CACNA1C: variants seen among roughly 807,000 people sequenced by gnomAD.
The protein encoded by CACNA1C is voltage-dependent L-type calcium channel subunit alpha-1C.
In CACNA1C, 30 loss-of-function variants were observed where a neutral mutation model predicts 229.0. The ratio of observed to expected loss-of-function variants is 0.13; its 90% CI spans 0.10 to 0.18. The LOEUF is 0.18. Among genes scored for constraint, CACNA1C ranks in the 10% least tolerant of loss-of-function variants. The probability of loss-of-function intolerance (pLI) is 1.00; values close to 1 mark genes in which losing one functional copy is unlikely to be tolerated. For synonymous variants in CACNA1C, 1,114 were observed against 1,132.5 expected, an observed-to-expected ratio of 0.98 and a Z score of 0.33; for missense variants, 1,658 against 2,845.0, an observed-to-expected ratio of 0.58 and a Z score of 9.49.
rs531201528 is a variant in CACNA1C, at chr12:2,457,719, C to T, written c.757+13C>T. 6 of 1,570,756 alleles carry T rather than the reference C, an allele frequency of 3.8e-6. No individual in the cohort carries two copies. The highest frequency in any genetic ancestry group is 4.5e-5 in the East Asian group (2 of 44,154). ...TCCGGAGTCCCAAGTAAGTGAAGCC[C>T]GTTCTTGTGTACAGTGTTATCTCCT... is the stretch of plus-strand genomic sequence containing the variant. On this transcript the variant is annotated intron_variant, in intron 5 of 46. Coordinates refer to ENST00000399655, the MANE Select transcript of CACNA1C (RefSeq NM_000719.7).
At chr12:2,668,874 C>G in intron 37 of CACNA1C, 59 bp from the exon 38 acceptor site, 2 of 1,096,420 alleles carry the variant, frequency 1.8e-6, no homozygotes, top group Non-Finnish European at 2.8e-6. Context: ...CCACGGTGTT[C>G]TGCGGTCCCC....
At chr12:2,657,524 G>A (rs531402683) in intron 34 of CACNA1C, among the ~76,000 whole-genome samples, 45 of 152,122 alleles carry the variant, frequency 3.0e-4, no homozygotes, top group African/African-American at 1.0e-3. Flanking sequence ...GGAAAAAAAT[G>A]GATGGATAAA....
At chr12:2,560,871 A>G (rs933221624) in intron 11 of CACNA1C, among the ~76,000 whole-genome samples, 1 of 148,108 alleles carries the variant, frequency 6.8e-6, no homozygotes, top group Middle Eastern at 3.2e-3. Flanking sequence ...AAAAAAAAAA[A>G]GTGGAAACTT....
At chr12:2,315,246 A>G (rs2095629739) in intron 3 of CACNA1C, among the ~76,000 whole-genome samples, 1 of 152,216 alleles carries the variant, frequency 6.6e-6, no homozygotes, top group South Asian at 2.1e-4. Context: ...TTGTTTATCC[A>G]GAGGGTTTGG....
intron 3 of CACNA1C, among the ~76,000 whole-genome samples, chr12:2,216,013 A>G (rs2059878831): frequency 6.6e-6 from 1 of 152,230 alleles, no homozygotes; most frequent in African/African-American, 2.4e-5. Context: ...GAGAAAGCAC[A>G]CTCAGCAGAG....
At chr12:2,260,530 A>G (rs1399411086) in intron 3 of CACNA1C, among the ~76,000 whole-genome samples, 5 of 151,968 alleles carry the variant, frequency 3.3e-5, no homozygotes, top group South Asian at 4.2e-4. Context: ...AAGAAAAGAA[A>G]GAAGAGAGAA....
chr12:2,283,838 C>T (rs1344212647), intron 3 of CACNA1C, among the ~76,000 whole-genome samples: 1 of 152,194 alleles, frequency 6.6e-6, no homozygotes, highest in Non-Finnish European at 1.5e-5. Flanking sequence ...GAGTTAGCAG[C>T]AGCTACTTGT....
At chr12:2,482,904 C>T (rs2099682036) in intron 5 of CACNA1C, among the ~76,000 whole-genome samples, 1 of 152,200 alleles carries the variant, frequency 6.6e-6, no homozygotes, top group Non-Finnish European at 1.5e-5. Flanking sequence ...CTGACGTTAC[C>T]CTCCTGCCTG....
intron 4 of CACNA1C, among the ~76,000 whole-genome samples, chr12:2,452,766 C>T (rs1046413739): frequency 2.0e-5 from 3 of 152,202 alleles, no homozygotes; most frequent in Non-Finnish European, 4.4e-5. Flanking sequence ...CTCCCTTCAC[C>T]GAATAGTATT....
chr12:2,669,928 C>G (rs943067361), intron 38 of CACNA1C, among the ~76,000 whole-genome samples: 1 of 152,152 alleles, frequency 6.6e-6, no homozygotes, highest in African/African-American at 2.4e-5. Flanking sequence ...TAAGAGTTTG[C>G]GAACCACTAT....
At chr12:2,661,720 C>T (rs971494210) in intron 34 of CACNA1C, among the ~76,000 whole-genome samples, 3 of 152,128 alleles carry the variant, frequency 2.0e-5, no homozygotes, top group African/African-American at 7.2e-5. Context: ...AATATGTACA[C>T]ATAATTGTCA....
rs192528312 is a variant in CACNA1C at position 2,566,067 on chromosome 12, C to T, written c.1509-355C>T. ...TTACTAATAATGCTCTTATTGCTTA[C>T]AACACTATTTCTAAGAATGCTGTTT... On this transcript the variant is annotated intron_variant, in intron 11 of 46. Coordinates refer to ENST00000399655, the MANE Select transcript of CACNA1C (RefSeq NM_000719.7). The surrounding 1 kb of genome is among the most constrained non-coding windows in gnomAD (Gnocchi z 4.0). 2.1e-3 allele frequency among the ~76,000 whole-genome samples: 321 copies of T among 152,334 alleles called. No homozygotes were observed. The highest frequency in any genetic ancestry group is 4.0e-3 in the Non-Finnish European group (269 of 68,034).
In CACNA1C at chr12:2,632,780, C is replaced by T. The variant is rs1203006601; in HGVS notation, c.3829-1517C>T. ...GTGCCCTCTGCGCGGCGTCTGCATT[C>T]AGCAGGACCCTACCTCCAAATGACC... On this transcript the variant is annotated intron_variant, in intron 29 of 46. Coordinates refer to ENST00000399655, the MANE Select transcript of CACNA1C (RefSeq NM_000719.7). This position sits in a 1 kb window ranked among gnomAD's most constrained non-coding sequence, Gnocchi z 4.1. Among the ~76,000 whole-genome samples the T allele has an allele frequency of 6.6e-6, 1 of 152,140 alleles. No individual in the cohort carries two copies. The highest frequency in any genetic ancestry group is 6.5e-5 in the Admixed American group (1 of 15,278).
At chr12:2,412,183 C>T (rs1433453368) in intron 3 of CACNA1C, among the ~76,000 whole-genome samples, 1 of 152,184 alleles carries the variant, frequency 6.6e-6, no homozygotes, top group Non-Finnish European at 1.5e-5. Context: ...CTCACCACAG[C>T]CCCAGCCCCA....
intron 30 of CACNA1C, among the ~76,000 whole-genome samples, chr12:2,641,990 G>A (rs1217426599): frequency 6.6e-6 from 1 of 152,098 alleles, no homozygotes; most frequent in African/African-American, 2.4e-5. Flanking sequence ...GGCTTGTTGT[G>A]TGAACTGGTG....
chr12:2,585,447 T>C lies in CACNA1C; in HGVS notation c.2411T>C (p.Ile804Thr), dbSNP rs940278147. 6 of 1,599,598 alleles carry C rather than the reference T, an allele frequency of 3.8e-6. No individual in the cohort carries two copies. In the Admixed American group the frequency reaches 5.2e-5, roughly 14 times the overall value. The change falls in exon 17 of 47, where the codon ATT (isoleucine) becomes ACT (threonine). Residue 804 changes from isoleucine (I) to threonine (T), a missense_variant. Ile to Thr is a moderately conservative substitution (Grantham distance 89). Transcript: ENST00000399655. This position sits in a 1 kb window ranked among gnomAD's most constrained non-coding sequence, Gnocchi z 4.1. ...PAVGESKEEK[I>T]ELKSITADGE... ...GTGGGGGAATCCAAGGAGGAGAAGA[T>C]TGAGCTGAAATCCATCACGGCTGAC... is the stretch of plus-strand genomic sequence containing the variant.
intron 18 of CACNA1C, among the ~76,000 whole-genome samples, chr12:2,587,001 C>T (rs1429864400): frequency 2.0e-5 from 3 of 152,174 alleles, no homozygotes; most frequent in African/African-American, 7.2e-5. Flanking sequence ...GAGGATCTTG[C>T]CTTGATCCTG....
intron 3 of CACNA1C, among the ~76,000 whole-genome samples, chr12:2,331,259 T>A (rs1193320184): frequency 1.3e-5 from 2 of 152,236 alleles, no homozygotes; most frequent in Non-Finnish European, 2.9e-5. Context: ...GATGTATATA[T>A]AATATGGATT....
chr12:2,174,148 A>C (rs2096576357), intron 3 of CACNA1C, among the ~76,000 whole-genome samples: 1 of 152,070 alleles, frequency 6.6e-6, no homozygotes, highest in African/African-American at 2.4e-5. Flanking sequence ...GTGGCTTTGC[A>C]TGGAAAAGGG....
Sources: allele counts gnomAD v4.1 joint callset (sites outside exome capture counted in the v4.1 genomes callset), GRCh38; gene constraint gnomAD v4.1.1; non-coding constraint Gnocchi (gnomAD v3.1); transcripts MANE v1.5; gene names NCBI Gene and HGNC (gene_info 2026-07-23, HGNC 2026-07-21).